Variants in ADAM10 observed in about 807,000 individuals in gnomAD.
ADAM10 encodes the protein disintegrin and metalloproteinase domain-containing protein 10.
ADAM10 carries 17 observed loss-of-function variants against 90.1 expected under a neutral mutation model. The ratio of observed to expected loss-of-function variants is 0.19; its 90% CI spans 0.13 to 0.28. ADAM10 has a LOEUF of 0.28. Among genes scored for constraint, ADAM10 ranks in the 10% least tolerant of loss-of-function variants. The probability of loss-of-function intolerance (pLI) is 1.00; values close to 1 mark genes in which losing one functional copy is unlikely to be tolerated. For synonymous variants in ADAM10, 310 were observed against 298.6 expected (o/e 1.04, Z -0.40); for missense variants, 610 against 914.3 (o/e 0.67, Z 4.29).
At chr15:58,606,463 C>T (rs1321131035) in intron 14 of ADAM10, among the ~76,000 whole-genome samples, 2 of 152,154 alleles carry the variant, frequency 1.3e-5, no homozygotes, top group Admixed American at 1.3e-4. Flanking sequence ...TAAATTATTA[C>T]ATTTGAGAAA....
chr15:58,731,283 G>A (rs1204917542), intron 1 of ADAM10, among the ~76,000 whole-genome samples: 2 of 152,124 alleles, frequency 1.3e-5, no homozygotes, highest in Non-Finnish European at 2.9e-5. Context: ...TGAAGTGCTG[G>A]CATTATATTA....
intron 9 of ADAM10, among the ~76,000 whole-genome samples, chr15:58,630,158 G>C (rs1334867725): frequency 1.3e-5 from 2 of 152,120 alleles, no homozygotes; most frequent in African/African-American, 4.8e-5. Context: ...AATGACTGCA[G>C]AGCATTCCGT....
intron 2 of ADAM10, among the ~76,000 whole-genome samples, chr15:58,684,738 A>G (rs930237482): frequency 6.6e-6 from 1 of 152,250 alleles, no homozygotes; most frequent in Admixed American, 6.5e-5. Context: ...ATCTAACCTT[A>G]GGAGGAGGTT....
intron 14 of ADAM10, among the ~76,000 whole-genome samples, chr15:58,601,994 G>C (rs570098288): frequency 6.6e-6 from 1 of 152,042 alleles, no homozygotes; most frequent in Non-Finnish European, 1.5e-5. Flanking sequence ...ACTGGATTAA[G>C]GTGTTATCTG....
Position 58,665,204 on chromosome 15 carries a change from T to A in ADAM10, c.485-7A>T, listed in dbSNP as rs200207139. 8.8e-6 allele frequency: 14 copies of A among 1,586,786 alleles called. No individual in the cohort carries two copies. In the East Asian group the frequency reaches 2.9e-4, roughly 33 times the overall value. On this transcript the variant is annotated splice_region_variant and splice_polypyrimidine_tract_variant and intron_variant, in intron 4 of 15. Coordinates refer to ENST00000260408, the MANE Select transcript of ADAM10 (RefSeq NM_001110.4). ...CCGTATTTATGGGGATAGTCTAAAA[T>A]ACAAAGAAGAAACGTCATTACTATC...
chr15:58,622,532 T>C (rs533587884), intron 10 of ADAM10, among the ~76,000 whole-genome samples: 13 of 152,330 alleles, frequency 8.5e-5, no homozygotes, highest in South Asian at 2.1e-4. Flanking sequence ...ATTTAGCTGA[T>C]TGTAATACAA....
chr15:58,696,354 T>G (rs1312269932), intron 2 of ADAM10, among the ~76,000 whole-genome samples: 2 of 151,964 alleles, frequency 1.3e-5, no homozygotes, highest in Non-Finnish European at 2.9e-5. Flanking sequence ...TATGTATCTA[T>G]TAAGGTGTCT....
chr15:58,601,692 T>A (rs185755630), intron 14 of ADAM10, among the ~76,000 whole-genome samples: 2 of 152,296 alleles, frequency 1.3e-5, no homozygotes, highest in Admixed American at 1.3e-4. Context: ...TTTGTCCCAA[T>A]ACTATCCAGT....
intron 14 of ADAM10, among the ~76,000 whole-genome samples, chr15:58,601,828 T>C (rs770051471): frequency 1.3e-5 from 2 of 152,218 alleles, no homozygotes; most frequent in African/African-American, 4.8e-5. Flanking sequence ...TTATTTTGCA[T>C]GGGAATGTCC....
Position 58,741,735 on chromosome 15 carries a change from CCTTA to C in ADAM10, c.55+7741_55+7744del, listed in dbSNP as rs541633265. On this transcript the variant is annotated intron_variant, in intron 1 of 15. Coordinates refer to ENST00000260408, the MANE Select transcript of ADAM10 (RefSeq NM_001110.4). Reference sequence around the variant, plus strand: ...TCTTCCATGTCATTTCTTGTTCTATCCTTACTTATTTCTACGATCATTCTAATCC... The same window carrying C: ...TCTTCCATGTCATTTCTTGTTCTATCCTTATTTCTACGATCATTCTAATCC... 7.5e-4 allele frequency among the ~76,000 whole-genome samples: 114 copies of C among 152,288 alleles called. No homozygotes were observed. In the Middle Eastern group the frequency reaches 0.014, roughly 18 times the overall value.
chr15:58,611,893 T>C lies in ADAM10; in HGVS notation c.1610A>G (p.Asn537Ser). The change falls in exon 12 of 16, where the codon AAT becomes AGT. Residue 537 changes from asparagine (N) to serine (S), a missense_variant. Physicochemically the swap from Asn to Ser is conservative, Grantham distance 46. This residue lies in a region of ADAM10 where 150 missense variants were observed against 268.5 expected (regional missense o/e 0.56). Coordinates refer to ENST00000260408, the MANE Select transcript of ADAM10 (RefSeq NM_001110.4). ...TGCTGGGCAGAGAGCTGTGAAGCCA[T>C]TACATATTCCTTCCCTTGCACAGTC... is the stretch of plus-strand genomic sequence containing the variant. The part of the protein sequence containing the change: ...DSDCAREGIC[N>S]GFTALCPASD... 1.2e-6 allele frequency: 2 copies of C among 1,614,182 alleles called. No homozygotes were observed. The highest frequency in any genetic ancestry group is 1.7e-6 in the Non-Finnish European group (2 of 1,180,032).
intron 2 of ADAM10, among the ~76,000 whole-genome samples, chr15:58,707,913 C>T (rs1440742114): frequency 6.6e-6 from 1 of 151,914 alleles, no homozygotes; most frequent in East Asian, 1.9e-4. Flanking sequence ...GCCATCTCTA[C>T]TAAAAATATG....
chr15:58,628,463 C>G (rs1191943994), intron 9 of ADAM10, among the ~76,000 whole-genome samples: 3 of 151,980 alleles, frequency 2.0e-5, no homozygotes, highest in Admixed American at 6.6e-5. Flanking sequence ...GAGATAAAAC[C>G]AAAATACTGC....
intron 14 of ADAM10, among the ~76,000 whole-genome samples, chr15:58,605,955 T>A (rs1406091592): frequency 6.6e-6 from 1 of 152,014 alleles, no homozygotes. Context: ...GCAAGTATCA[T>A]CTAAAAAAAA....
intron 4 of ADAM10, among the ~76,000 whole-genome samples, chr15:58,671,631 T>C (rs551278960): frequency 1.3e-5 from 2 of 152,258 alleles, no homozygotes; most frequent in Non-Finnish European, 2.9e-5. Context: ...CTTAGCACTT[T>C]AGGAGTCCGC....
At position 58,687,318 on chromosome 15, in the gene ADAM10, T is replaced by C. The variant is rs532050173; in HGVS notation, c.207-5004A>G. Among the ~76,000 whole-genome samples the C allele has an allele frequency of 5.6e-4, 86 of 152,370 alleles. 1 individual carries two copies. Among genetic ancestry groups the C allele is most frequent in the Non-Finnish European group, 1.2e-4 (8 of 68,032 alleles). On this transcript the variant is annotated intron_variant, in intron 2 of 15. Coordinates refer to ENST00000260408, the MANE Select transcript of ADAM10 (RefSeq NM_001110.4). ...TGGTCTTTGTATTCTTACGTTCCTC[T>C]ACTTTGTAGCTGTGGCTGTACTTAA...
At chr15:58,652,132 T>A (rs563441491) in intron 5 of ADAM10, among the ~76,000 whole-genome samples, 8 of 152,314 alleles carry the variant, frequency 5.3e-5, no homozygotes, top group African/African-American at 1.4e-4. Context: ...GCTCCTTATA[T>A]ATTCTGGTTA....
At chr15:58,741,612 A>C (rs1402948765) in intron 1 of ADAM10, among the ~76,000 whole-genome samples, 1 of 152,052 alleles carries the variant, frequency 6.6e-6, no homozygotes, top group Non-Finnish European at 1.5e-5. Context: ...AACCACACTC[A>C]CTCCAATGAA....
intron 2 of ADAM10, among the ~76,000 whole-genome samples, chr15:58,689,991 A>G (rs1183538993): frequency 1.3e-5 from 2 of 150,524 alleles, no homozygotes; most frequent in African/African-American, 4.9e-5. Flanking sequence ...TTATGAACAT[A>G]AACAAAAAAA....
Sources: gnomAD v4.1 joint callset for allele counts (sites outside exome capture counted in the v4.1 genomes callset) on GRCh38, gnomAD v4.1.1 for gene constraint, gnomAD v4.1.1 regional missense constraint, MANE v1.5 for transcripts, NCBI Gene and HGNC (gene_info 2026-07-23, HGNC 2026-07-21) for gene names.